DCLK2: variants seen among roughly 807,000 people sequenced by gnomAD.
DCLK2 encodes the protein serine/threonine-protein kinase DCLK2.
DCLK2 carries 31 observed loss-of-function variants against 78.4 expected under a neutral mutation model. The observed-to-expected ratio is 0.40, with a 90% CI of 0.30 to 0.53. The LOEUF is 0.53. Ranked by LOEUF, DCLK2 falls within the 20% of genes least tolerant of loss-of-function variation. The pLI is 0.61. For synonymous variants in DCLK2, 407 were observed against 374.9 expected (o/e 1.09, Z -0.99); for missense variants, 872 against 973.7 (o/e 0.90, Z 1.39).
chr4:150,240,326 G>C, intron 11 of DCLK2, 73 bp from the exon 12 acceptor site: 1 of 1,213,210 alleles, frequency 8.2e-7, no homozygotes, highest in Non-Finnish European at 1.2e-6. Flanking sequence ...ACAAATAAAG[G>C]CAATACTCCA....
At chr4:150,164,767 C>G (rs1028357205) in intron 2 of DCLK2, among the ~76,000 whole-genome samples, 5 of 152,014 alleles carry the variant, frequency 3.3e-5, no homozygotes, top group African/African-American at 1.2e-4. Context: ...CCACTGCACT[C>G]CAGCCTGGGC....
In DCLK2 at chr4:150,079,433, G is replaced by A. The variant is rs748446922; in HGVS notation, c.406G>A (p.Asp136Asn). ...IDGSRKVTSL[D>N]ELLEGESYVC... ...CGGCAGCCGGAAGGTCACCAGCCTG[G>A]ACGAGCTGCTGGAAGGTAGGAGGGG... Residue 136 changes from aspartate (D) to asparagine (N), a missense_variant, in exon 1 of 16, where the codon GAC (aspartate) becomes AAC (asparagine). Coordinates refer to ENST00000296550, the MANE Select transcript of DCLK2 (RefSeq NM_001040260.4). 29 of 1,531,438 alleles carry A rather than the reference G, an allele frequency of 1.9e-5. No individual in the cohort carries two copies. The African/African-American group carries it at 3.5e-4, about 18-fold the overall frequency. 94.9% of individuals were successfully genotyped at this position (1,531,438 alleles called of 1,614,324 possible).
At chr4:150,203,111 G>C (rs1416092137) in intron 4 of DCLK2, among the ~76,000 whole-genome samples, 1 of 152,150 alleles carries the variant, frequency 6.6e-6, no homozygotes, top group Non-Finnish European at 1.5e-5. Context: ...GCGTATGGAG[G>C]TTTAGAGCAG....
intron 2 of DCLK2, among the ~76,000 whole-genome samples, chr4:150,178,865 A>G (rs1737281586): frequency 6.6e-6 from 1 of 152,150 alleles, no homozygotes; most frequent in African/African-American, 2.4e-5. Flanking sequence ...ATCTCTTTCT[A>G]AGCTCACAAA....
At chr4:150,213,185 A>C (rs1402130418) in intron 5 of DCLK2, among the ~76,000 whole-genome samples, 1 of 152,234 alleles carries the variant, frequency 6.6e-6, no homozygotes, top group Non-Finnish European at 1.5e-5. Flanking sequence ...TTGGAAGAAC[A>C]GGAAAGCAGA....
At chr4:150,207,849 C>T (rs1163815045) in intron 5 of DCLK2, among the ~76,000 whole-genome samples, 2 of 152,028 alleles carry the variant, frequency 1.3e-5, no homozygotes, top group Non-Finnish European at 2.9e-5. Flanking sequence ...AGACTTTATT[C>T]AAAGAGTGGG....
chr4:150,158,148 T>C (rs1332466187), intron 2 of DCLK2, among the ~76,000 whole-genome samples: 1 of 152,184 alleles, frequency 6.6e-6, no homozygotes, highest in Non-Finnish European at 1.5e-5. Context: ...GTCAGCAGGT[T>C]TGATTTCTCC....
rs753854802 is a variant in DCLK2, at chr4:150,197,984, A to G, written c.860-18A>G. ...TATTAAAACCAGATTTAGTTAATGC[A>G]CTTTTGTTCTTTTCTAGAATGTCGT... On this transcript the variant is annotated intron_variant, in intron 3 of 15. Coordinates refer to ENST00000296550, the MANE Select transcript of DCLK2 (RefSeq NM_001040260.4). 1 of 1,597,354 alleles carries G rather than the reference A, an allele frequency of 6.3e-7. No individual in the cohort carries two copies. The highest frequency in any genetic ancestry group is 8.5e-7 in the Non-Finnish European group (1 of 1,172,604).
At chr4:150,200,095 A>T (rs964912672) in intron 4 of DCLK2, among the ~76,000 whole-genome samples, 1 of 152,358 alleles carries the variant, frequency 6.6e-6, no homozygotes, top group African/African-American at 2.4e-5. Flanking sequence ...CCCTGAGGTC[A>T]AAAGAGAAAA....
Position 150,223,743 on chromosome 4 carries a change from C to CAATAAATAAATAAATA in DCLK2, c.1242-740_1242-725dup, listed in dbSNP as rs59076501. Among the ~76,000 whole-genome samples, 599 of 146,954 alleles carry CAATAAATAAATAAATA rather than the reference C, an allele frequency of 4.1e-3. 9 individuals carry two copies. The highest frequency in any genetic ancestry group is 0.013 in the African/African-American group (538 of 39,976). On this transcript the variant is annotated intron_variant, in intron 7 of 15. Transcript: ENST00000296550. ...TGGCTGACAGAGCAAGACTCTCTCT[C>CAATAAATAAATAAATA]AATAAATAAATAAATAAATAAATAA...
chr4:150,224,796 T>C (rs1014212777), intron 8 of DCLK2, among the ~76,000 whole-genome samples: 1 of 152,230 alleles, frequency 6.6e-6, no homozygotes, highest in African/African-American at 2.4e-5. Context: ...TTCTTTTCTC[T>C]GGGAGATACC....
rs1478340343 is a variant in DCLK2, at chr4:150,078,920, G to C, written c.-108G>C. On this transcript the variant is annotated 5_prime_UTR_variant, in exon 1 of 16. Coordinates refer to ENST00000296550, the MANE Select transcript of DCLK2 (RefSeq NM_001040260.4). ...CGGAGAGGGCGGGATGCCAGAGCCA[G>C]GTGTCCCGGCGCGTTAAGGGCCCTC... 14 of 1,351,480 alleles carry C rather than the reference G, an allele frequency of 1.0e-5. No homozygotes were observed. In the East Asian group the frequency reaches 2.3e-4, roughly 22 times the overall value. 83.7% of individuals were successfully genotyped at this position (1,351,480 alleles called of 1,614,324 possible).
At chr4:150,221,811 T>C (rs1405411966) in intron 7 of DCLK2, 26 bp downstream of exon 7, 1 of 1,325,084 alleles carries the variant, frequency 7.5e-7, no homozygotes, top group Non-Finnish European at 1.1e-6. Context: ...GGATAATTAA[T>C]GAATAATGAA....
chr4:150,210,963 AGAAAG>A (rs748654536), intron 5 of DCLK2, among the ~76,000 whole-genome samples: 15 of 145,980 alleles, frequency 1.0e-4, no homozygotes, highest in Middle Eastern at 3.6e-3. Flanking sequence ...AAAAAAAAAA[AGAAAG>A]AAAGAAAAAG....
chr4:150,104,375 C>CA (rs1731089507), intron 2 of DCLK2, among the ~76,000 whole-genome samples: 1 of 30,096 alleles, frequency 3.3e-5, no homozygotes, highest in Non-Finnish European at 5.7e-5. Flanking sequence ...GTGCTGGTGA[C>CA]AAAAAAGACC....
At chr4:150,192,146 A>G (rs1204082486) in intron 2 of DCLK2, among the ~76,000 whole-genome samples, 3 of 152,172 alleles carry the variant, frequency 2.0e-5, no homozygotes, top group African/African-American at 7.2e-5. Flanking sequence ...TGTGGAACTG[A>G]AACTAATACA....
chr4:150,190,236 T>TAGATAGATAGAC (rs1190833929), intron 2 of DCLK2, among the ~76,000 whole-genome samples: 2,664 of 25,276 alleles, frequency 0.11, 63 homozygotes, highest in South Asian at 0.13. Context: ...GATGGATAGT[T>TAGATAGATAGAC]AGATAGATAG....
chr4:150,211,711 CT>C lies in DCLK2; in HGVS notation c.1056+7827del, dbSNP rs1450066783. Among the ~76,000 whole-genome samples, 6 of 152,224 alleles carry C rather than the reference CT, an allele frequency of 3.9e-5. No individual in the cohort carries two copies. The East Asian group carries it at 1.2e-3, about 29-fold the overall frequency. On this transcript the variant is annotated intron_variant, in intron 5 of 15. Coordinates refer to ENST00000296550, the MANE Select transcript of DCLK2 (RefSeq NM_001040260.4). ...TCAGACTGCTGACTCCCTACTCATT[CT>C]TTTTCCTTCTCTTCAAATCCTAGAA... is the stretch of plus-strand genomic sequence containing the variant.
chr4:150,207,499 T>TATAAAATATAGACAATCCACC (rs1739927428), intron 5 of DCLK2, among the ~76,000 whole-genome samples: 2 of 152,232 alleles, frequency 1.3e-5, no homozygotes, highest in Non-Finnish European at 2.9e-5. Flanking sequence ...TTAAGAGAGA[T>TATAAAATATAGACAATCCACC]ATAAAATATA....
Sources: allele counts gnomAD v4.1 joint callset (sites outside exome capture counted in the v4.1 genomes callset), GRCh38; gene constraint gnomAD v4.1.1; transcripts MANE v1.5; gene names NCBI Gene and HGNC (gene_info 2026-07-23, HGNC 2026-07-21).